DNAJC27: variants seen among roughly 807,000 people sequenced by gnomAD.
The protein encoded by DNAJC27 is dnaJ homolog subfamily C member 27.
A neutral mutation model predicts 31.4 loss-of-function variants in DNAJC27; 25 were observed. The observed-to-expected ratio is 0.80, with a 90% CI of 0.58 to 1.11. DNAJC27 has a LOEUF of 1.11. Ranked by LOEUF, DNAJC27 falls within the 50% of genes most tolerant of loss-of-function variation. The pLI is 0.00. For synonymous variants in DNAJC27, 106 were observed against 112.7 expected, an observed-to-expected ratio of 0.94 and a Z score of 0.37; for missense variants, 356 against 347.3, an observed-to-expected ratio of 1.02 and a Z score of -0.20.
In DNAJC27 at chr2:24,951,554, T is replaced by A. The variant is rs1415901812; in HGVS notation, c.529A>T (p.Thr177Ser). The change falls in exon 6 of 7, where the codon ACC (threonine) becomes TCC (serine). Residue 177 changes from threonine to serine, a missense_variant and splice_region_variant. By Grantham distance (58) the Thr-to-Ser change is moderately conservative. Transcript: ENST00000264711. Reference sequence around the variant, plus strand: ...AAATCAACTATGGATATATAAAAGGTCTACAAGAAGAAAACATAACCCAGG... The same window carrying A: ...AAATCAACTATGGATATATAAAAGGACTACAAGAAGAAAACATAACCCAGG... ...TGEGINEMFQ[T>S]FYISIVDLCE... 3 of 1,606,882 alleles carry A rather than the reference T, an allele frequency of 1.9e-6. No homozygotes were observed. Among genetic ancestry groups the A allele is most frequent in the Admixed American group, 3.4e-5 (2 of 59,046 alleles).
chr2:24,958,071 T>C, intron 3 of DNAJC27, 97 bp from the exon 4 acceptor site: 2 of 1,148,752 alleles, frequency 1.7e-6, no homozygotes, highest in Non-Finnish European at 2.5e-6. Context: ...TTCTTTTGTG[T>C]ATTCTTAGTG....
chr2:24,959,816 G>A (rs921984582), intron 3 of DNAJC27, among the ~76,000 whole-genome samples: 1 of 152,150 alleles, frequency 6.6e-6, no homozygotes, highest in Admixed American at 6.5e-5. Flanking sequence ...ATGTCCCCTG[G>A]AGTACCATAC....
At chr2:24,971,651 A>G in intron 1 of DNAJC27, 167 bp downstream of exon 1, 1 of 534,388 alleles carries the variant, frequency 1.9e-6, no homozygotes, top group Non-Finnish European at 3.3e-6. Context: ...AAGGTCAAAA[A>G]GGTCGGGGAG....
At chr2:24,956,712 A>C (rs185430542) in intron 5 of DNAJC27, among the ~76,000 whole-genome samples, 4 of 152,326 alleles carry the variant, frequency 2.6e-5, no homozygotes, top group Admixed American at 1.3e-4. Context: ...GCCTGGAGAG[A>C]GAGCTTTTTC....
intron 1 of DNAJC27, 141 bp downstream of exon 1, chr2:24,971,677 C>G: frequency 3.2e-6 from 2 of 633,268 alleles, no homozygotes; most frequent in South Asian, 2.1e-5. Context: ...TTCGCGGAGC[C>G]GCACCCCTCG....
chr2:24,951,076 C>T (rs1006632480), intron 6 of DNAJC27, among the ~76,000 whole-genome samples: 1 of 152,204 alleles, frequency 6.6e-6, no homozygotes, highest in Non-Finnish European at 1.5e-5. Flanking sequence ...CTTTCCTCCT[C>T]TAACATTCTA....
At chr2:24,969,983 T>C (rs901463728) in intron 1 of DNAJC27, among the ~76,000 whole-genome samples, 5 of 152,234 alleles carry the variant, frequency 3.3e-5, no homozygotes, top group Non-Finnish European at 5.9e-5. Flanking sequence ...CTGTACAATA[T>C]TGTGTAATCC....
At chr2:24,963,834 A>G (rs1161821236) in intron 2 of DNAJC27, among the ~76,000 whole-genome samples, 1 of 152,222 alleles carries the variant, frequency 6.6e-6, no homozygotes, top group Non-Finnish European at 1.5e-5. Flanking sequence ...GAAAAGTTTT[A>G]TTTCACTTAG....
chr2:24,955,677 G>A (rs1303401087), intron 5 of DNAJC27, among the ~76,000 whole-genome samples: 1 of 152,180 alleles, frequency 6.6e-6, no homozygotes, highest in African/African-American at 2.4e-5. Context: ...AAAGCAGCCA[G>A]GGGGTAAAAA....
chr2:24,956,931 A>C, intron 5 of DNAJC27, 112 bp downstream of exon 5: 8 of 1,272,650 alleles, frequency 6.3e-6, no homozygotes, highest in Non-Finnish European at 8.6e-6. Context: ...TTGAAAAGAA[A>C]GAGCTTATTC....
intron 3 of DNAJC27, among the ~76,000 whole-genome samples, chr2:24,962,045 T>C (rs1277110333): frequency 2.6e-5 from 4 of 152,158 alleles, no homozygotes. Flanking sequence ...TGCCAAACTT[T>C]ATTGTTGTCT....
At chr2:24,956,269 G>A (rs1665902459) in intron 5 of DNAJC27, among the ~76,000 whole-genome samples, 1 of 152,154 alleles carries the variant, frequency 6.6e-6, no homozygotes, top group Non-Finnish European at 1.5e-5. Flanking sequence ...TTCATAAGAA[G>A]AAAACTACAT....
chr2:24,971,719 G>A (rs1666344627), intron 1 of DNAJC27, 99 bp downstream of exon 1: 4 of 1,060,004 alleles, frequency 3.8e-6, no homozygotes, highest in Non-Finnish European at 5.3e-6. Context: ...GGGGCGGAGA[G>A]GAGGCCGGGC....
intron 1 of DNAJC27, among the ~76,000 whole-genome samples, chr2:24,968,120 T>C (rs1666236329): frequency 1.3e-5 from 2 of 152,202 alleles, no homozygotes; most frequent in African/African-American, 4.8e-5. Context: ...TAAAAAGTAC[T>C]CACTTCACAG....
At chr2:24,971,597 AC>A (rs1666339305) in intron 1 of DNAJC27, 2 of 472,258 alleles carry the variant, frequency 4.2e-6, no homozygotes, top group Non-Finnish European at 7.6e-6. Flanking sequence ...CACCCCAGAC[AC>A]CATCTCCGGA....
rs185980678 is a variant in DNAJC27, at chr2:24,964,079, T to C, written c.171-605A>G. 3.0e-3 allele frequency among the ~76,000 whole-genome samples: 453 copies of C among 152,276 alleles called. 4 individuals are homozygous for C. Among genetic ancestry groups the C allele is most frequent in the Middle Eastern group, 0.017 (5 of 294 alleles). On this transcript the variant is annotated intron_variant, in intron 2 of 6. Transcript: ENST00000264711. The stretch of plus-strand genomic sequence containing the variant: ...TAGCATATTTGTTCCTAGTCTTTTT[T>C]TTCATGAAAAATCACCATTGGAAAA...
intron 5 of DNAJC27, among the ~76,000 whole-genome samples, chr2:24,952,324 A>G (rs1665795843): frequency 6.6e-6 from 1 of 152,204 alleles, no homozygotes; most frequent in Non-Finnish European, 1.5e-5. Context: ...TACTCTTTCA[A>G]CATGTACTAA....
intron 5 of DNAJC27, among the ~76,000 whole-genome samples, chr2:24,955,571 A>G (rs1218314877): frequency 1.3e-5 from 2 of 152,212 alleles, no homozygotes; most frequent in African/African-American, 4.8e-5. Flanking sequence ...CAATCTTAGA[A>G]ACTCAGTAAA....
rs547176247 is a variant in DNAJC27 at position 24,962,114 on chromosome 2, G to A, written c.240+1291C>T. On this transcript the variant is annotated intron_variant, in intron 3 of 6. Transcript: ENST00000264711. ...TCATCAGTCAGCAGCCATCATCACC[G>A]AGGCAGCCTCTGATCACAATGGAAT... 1.3e-4 allele frequency among the ~76,000 whole-genome samples: 20 copies of A among 152,068 alleles called. No individual in the cohort carries two copies. In the South Asian group the frequency reaches 4.2e-3, roughly 32 times the overall value.
Sources: gnomAD v4.1 joint callset for allele counts (sites outside exome capture counted in the v4.1 genomes callset) on GRCh38, gnomAD v4.1.1 for gene constraint, MANE v1.5 for transcripts, NCBI Gene and HGNC (gene_info 2026-07-23, HGNC 2026-07-21) for gene names.